The following STAG2 variants were observed in gnomAD, a reference collection of about 807,000 sequenced individuals.
STAG2 encodes the protein cohesin subunit SA-2.
STAG2 carries 14 observed loss-of-function variants against 108.1 expected under a neutral mutation model. The observed-to-expected ratio is 0.13, with a 90% CI of 0.09 to 0.20. The LOEUF is 0.20. Ranked by LOEUF, STAG2 falls within the 10% of genes least tolerant of loss-of-function variation. The pLI is 1.00. For synonymous variants in STAG2, 307 were observed against 302.7 expected (o/e 1.01, Z -0.15); for missense variants, 440 against 940.9 (o/e 0.47, Z 6.96).
chrX:124,089,475 A>G (rs148298548), intron 30 of STAG2, among the ~76,000 whole-genome samples: 6,970 of 111,172 alleles, frequency 0.063, 229 homozygotes, highest in Middle Eastern at 0.13. Context: ...GCCTCTTACT[A>G]CCTGCTCAGT....
chrX:124,012,975 A>T (rs747054793), intron 1 of STAG2, among the ~76,000 whole-genome samples: 1 of 111,785 alleles, frequency 8.9e-6, no homozygotes, highest in Non-Finnish European at 1.9e-5. Flanking sequence ...CCCAACATCA[A>T]GCAGGATTAT....
At chrX:124,016,008 A>G (rs1356172942) in intron 1 of STAG2, among the ~76,000 whole-genome samples, 1 of 112,264 alleles carries the variant, frequency 8.9e-6, no homozygotes, top group Admixed American at 9.5e-5. Flanking sequence ...TGAGTAGGCA[A>G]ACATAATAAA....
At chrX:124,060,095 G>A (rs1275559926) in intron 15 of STAG2, among the ~76,000 whole-genome samples, 2 of 111,410 alleles carry the variant, frequency 1.8e-5, no homozygotes, top group Admixed American at 9.5e-5. Context: ...TCCTCCCCCC[G>A]CCAAAGGAGT....
chrX:124,071,868 A>G (rs2058672372), intron 25 of STAG2, among the ~76,000 whole-genome samples: 1 of 111,050 alleles, frequency 9.0e-6, no homozygotes, highest in Non-Finnish European at 1.9e-5. Context: ...AAAGAATCAA[A>G]CCAGCCTTTC....
chrX:124,011,986 G>A (rs2056537128), intron 1 of STAG2, among the ~76,000 whole-genome samples: 1 of 111,629 alleles, frequency 9.0e-6, no homozygotes, highest in Admixed American at 9.5e-5. Context: ...TTTAACTTGA[G>A]TGTTTTTTAT....
intron 1 of STAG2, among the ~76,000 whole-genome samples, chrX:123,971,158 G>A (rs919624591): frequency 1.5e-4 from 17 of 112,251 alleles, no homozygotes; most frequent in African/African-American, 4.9e-4. Flanking sequence ...GGCTGGGCGC[G>A]GTGGCTCATG....
At chrX:124,002,180 G>A (rs2056074105) in intron 1 of STAG2, among the ~76,000 whole-genome samples, 1 of 112,062 alleles carries the variant, frequency 8.9e-6, no homozygotes, top group Admixed American at 9.5e-5. Context: ...TCATGCCACT[G>A]CACTGTAGTC....
At chrX:124,059,900 A>G (rs2058329545) in intron 15 of STAG2, among the ~76,000 whole-genome samples, 1 of 111,279 alleles carries the variant, frequency 9.0e-6, no homozygotes, top group African/African-American at 3.3e-5. Context: ...GGGCCCAAGC[A>G]GTCCTCCCTC....
At chrX:123,997,940 C>A (rs772720577) in intron 1 of STAG2, among the ~76,000 whole-genome samples, 1 of 112,102 alleles carries the variant, frequency 8.9e-6, no homozygotes, top group East Asian at 2.8e-4. Flanking sequence ...TGCGCCTGGT[C>A]CCTTGTTGTT....
chrX:124,075,682 A>G (rs760188710), intron 25 of STAG2, among the ~76,000 whole-genome samples: 13 of 111,319 alleles, frequency 1.2e-4, no homozygotes, highest in African/African-American at 3.6e-4. Context: ...AAAAAGCTTC[A>G]TCTAGTTTTA....
chrX:124,023,687 A>G (rs770925485), intron 3 of STAG2, among the ~76,000 whole-genome samples: 13 of 112,049 alleles, frequency 1.2e-4, no homozygotes, highest in African/African-American at 3.6e-4. Flanking sequence ...TTATGAGTTC[A>G]TATTTTAAAG....
chrX:124,009,915 C>T (rs754129801), intron 1 of STAG2, among the ~76,000 whole-genome samples: 1 of 110,930 alleles, frequency 9.0e-6, no homozygotes, highest in African/African-American at 3.3e-5. Flanking sequence ...CCTTATTAAA[C>T]GGGAGACAAA....
chrX:123,967,256 ATTTTTTT>A (rs1177101640), intron 1 of STAG2, among the ~76,000 whole-genome samples: 6 of 50,217 alleles, frequency 1.2e-4, no homozygotes, highest in African/African-American at 3.5e-4. Context: ...TCAATGGTGT[ATTTTTTT>A]TTTTTTTTTT....
At chrX:124,008,188 A>C (rs983211285) in intron 1 of STAG2, among the ~76,000 whole-genome samples, 1 of 109,367 alleles carries the variant, frequency 9.1e-6, no homozygotes, top group African/African-American at 3.3e-5. Flanking sequence ...TCCTAGTTGC[A>C]ATTTATTATT....
chrX:124,052,219 G>A (rs761301894), intron 13 of STAG2, among the ~76,000 whole-genome samples: 1 of 111,297 alleles, frequency 9.0e-6, no homozygotes, highest in South Asian at 3.8e-4. Context: ...TTTAAAGTAT[G>A]GTTTACTGTC....
At position 124,094,053 on chromosome X, in the gene STAG2, A is replaced by G; in HGVS notation, c.3614A>G (p.Glu1205Gly). Residue 1205 changes from glutamate (E) to glycine (G), a missense_variant, in exon 33 of 35, where the codon GAG becomes GGG. Physicochemically the swap from Glu to Gly is moderately conservative, Grantham distance 98 (BLOSUM62 -2). Coordinates refer to ENST00000371145, the MANE Select transcript of STAG2 (RefSeq NM_001042750.2). ...ACAAGCCTAATGGAAGATGATGAAGAGCCAATTGTGGAAGATGTTATGATG... is the reference window on the plus strand; with the variant it reads ...ACAAGCCTAATGGAAGATGATGAAGGGCCAATTGTGGAAGATGTTATGATG... ...RGTSLMEDDE[E>G]PIVEDVMMSS... is the part of the protein sequence containing the mutation. The G allele has an allele frequency of 8.3e-7, 1 of 1,210,193 alleles. No individual in the cohort carries two copies. The highest frequency in any genetic ancestry group is 1.1e-6 in the Non-Finnish European group (1 of 894,116).
At chrX:124,084,269 A>AT (rs1469632008) in intron 29 of STAG2, among the ~76,000 whole-genome samples, 3 of 111,640 alleles carry the variant, frequency 2.7e-5, no homozygotes, top group Non-Finnish European at 5.6e-5. Context: ...GGTGATAAAA[A>AT]TTACAGTAAC....
At chrX:123,991,966 C>T (rs2055503186) in intron 1 of STAG2, among the ~76,000 whole-genome samples, 1 of 113,038 alleles carries the variant, frequency 8.8e-6, no homozygotes, top group Non-Finnish European at 1.9e-5. Context: ...CGCCTGGCCA[C>T]AACAACTATT....
At chrX:123,978,665 C>T (rs761612574) in intron 1 of STAG2, among the ~76,000 whole-genome samples, 3 of 111,492 alleles carry the variant, frequency 2.7e-5, no homozygotes, top group African/African-American at 9.8e-5. Context: ...TATAGTAATA[C>T]AGGTTGAGCA....
Sources: allele counts gnomAD v4.1 joint callset (sites outside exome capture counted in the v4.1 genomes callset), GRCh38; gene constraint gnomAD v4.1.1; transcripts MANE v1.5; gene names NCBI Gene and HGNC (gene_info 2026-07-23, HGNC 2026-07-21).